PCYT1B: variants seen among roughly 807,000 people sequenced by gnomAD.
PCYT1B encodes the protein choline-phosphate cytidylyltransferase B.
Under a neutral mutation model 26.4 loss-of-function variants are expected in PCYT1B, and 10 were observed. That is an observed-to-expected ratio of 0.38 (90% confidence interval 0.23 to 0.64). The LOEUF (loss-of-function observed/expected upper bound fraction) is 0.64, where lower values mean the gene tolerates loss of function less well. Among genes scored for constraint, PCYT1B ranks in the 30% least tolerant of loss-of-function variants. The pLI, the probability that PCYT1B is intolerant of heterozygous loss-of-function variation, is 0.56. For missense variants in PCYT1B, 161 were observed against 292.7 expected (o/e 0.55, Z 3.28); for synonymous variants, 131 against 108.4 (o/e 1.21, Z -1.29).
At chrX:24,606,066 A>AG (rs1469184074) in intron 3 of PCYT1B, among the ~76,000 whole-genome samples, 1 of 108,928 alleles carries the variant, frequency 9.2e-6, no homozygotes, top group Admixed American at 9.9e-5. Flanking sequence ...AAAAAAAAAA[A>AG]AAAAAAAGAA....
rs752099580 is a variant in PCYT1B at position 24,575,187 on chromosome X, C to A, written c.840G>T (p.Glu280Asp). 4 of 1,207,089 alleles carry A rather than the reference C, an allele frequency of 3.3e-6. No individual in the cohort carries two copies. The highest frequency in any genetic ancestry group is 1.8e-5 in the South Asian group (1 of 56,216). ...KSHDLIQKWE[E>D]KSREFIGNFL... The stretch of plus-strand genomic sequence containing the variant: ...AGTTGCCAATGAATTCCCTTGACTT[C>A]TCTTCCCACTTTTGAATTAGATCAT... The change falls in exon 7 of 8, where the codon GAG becomes GAT. Residue 280 changes from glutamate (E) to aspartate (D), a missense_variant. This residue lies in a region of PCYT1B where 7 missense variants were observed against 40.9 expected (regional missense o/e 0.17). Coordinates refer to ENST00000379144, the MANE Select transcript of PCYT1B (RefSeq NM_004845.5).
Position 24,607,933 on chromosome X carries a change from A to C in PCYT1B, c.218-72T>G. 9.0e-6 allele frequency: 5 copies of C among 555,244 alleles called. No individual in the cohort carries two copies. In the Admixed American group the frequency reaches 1.7e-4, roughly 19 times the overall value. The allele number at this position is 555,244 out of a possible 1,213,427, so 45.8% of individuals were successfully genotyped here. On this transcript the variant is annotated intron_variant, in intron 2 of 7. Transcript: ENST00000379144. The stretch of plus-strand genomic sequence containing the variant: ...TCCCAGTTACCTTCTATCAGTCGTA[A>C]GAAACTTTCTGGATAAGACACAATC...
chrX:24,668,210 G>A (rs1927165764), intron 1 of PCYT1B, among the ~76,000 whole-genome samples: 1 of 111,971 alleles, frequency 8.9e-6, no homozygotes, highest in Non-Finnish European at 1.9e-5. Flanking sequence ...ACTGGTGTCT[G>A]GGAAGGCAGC....
intron 1 of PCYT1B, among the ~76,000 whole-genome samples, chrX:24,643,676 T>C (rs1450912201): frequency 8.9e-6 from 1 of 112,164 alleles, no homozygotes; most frequent in Non-Finnish European, 1.9e-5. Context: ...CAGAAGAACT[T>C]CCCCTTGAAA....
At position 24,626,538 on chromosome X, in the gene PCYT1B, A is replaced by T. The variant is rs369463058; in HGVS notation, c.118-7454T>A. ...ATGTTCATAATGCAAAAATAAATTT[A>T]AAGAAATATCTCCTCTCCTTTAAAT... On this transcript the variant is annotated intron_variant, in intron 1 of 7. Coordinates refer to ENST00000379144, the MANE Select transcript of PCYT1B (RefSeq NM_004845.5). Among the ~76,000 whole-genome samples, 5 of 112,738 alleles carry T rather than the reference A, an allele frequency of 4.4e-5. No individual in the cohort carries two copies. The East Asian group carries it at 8.2e-4, about 19-fold the overall frequency.
chrX:24,603,766 T>C (rs1925038478), intron 3 of PCYT1B, among the ~76,000 whole-genome samples: 1 of 111,227 alleles, frequency 9.0e-6, no homozygotes, highest in Non-Finnish European at 1.9e-5. Flanking sequence ...AAAATAAAAT[T>C]ATTTGAGTCT....
intron 7 of PCYT1B, among the ~76,000 whole-genome samples, chrX:24,566,948 GA>G (rs929453507): frequency 2.7e-5 from 3 of 110,965 alleles, no homozygotes; most frequent in African/African-American, 9.8e-5. Context: ...AAGTCAAACA[GA>G]AAAAAAAGGT....
intron 3 of PCYT1B, among the ~76,000 whole-genome samples, chrX:24,591,981 T>TA (rs1179569593): frequency 1.8e-5 from 2 of 111,098 alleles, no homozygotes; most frequent in Non-Finnish European, 3.8e-5. Flanking sequence ...TAATGTGCAA[T>TA]AGAACACCAG....
At chrX:24,621,474 T>A (rs758902649) in intron 1 of PCYT1B, among the ~76,000 whole-genome samples, 4 of 111,210 alleles carry the variant, frequency 3.6e-5, no homozygotes, top group Non-Finnish European at 7.5e-5. Context: ...TTTATTTATT[T>A]TTTATTTATT....
intron 1 of PCYT1B, chrX:24,672,459 G>A (rs1927274871): frequency 2.0e-6 from 1 of 504,812 alleles, no homozygotes; most frequent in African/African-American, 2.4e-5. Flanking sequence ...TTTTTAGTGT[G>A]ACTATTAATT....
At chrX:24,610,278 A>G (rs1356558777) in intron 2 of PCYT1B, among the ~76,000 whole-genome samples, 1 of 111,913 alleles carries the variant, frequency 8.9e-6, no homozygotes, top group Admixed American at 9.5e-5. Context: ...GATTCAGATG[A>G]TACAATGTTT....
chrX:24,618,448 G>A (rs992478329), intron 2 of PCYT1B, among the ~76,000 whole-genome samples: 3 of 111,352 alleles, frequency 2.7e-5, no homozygotes, highest in Non-Finnish European at 5.6e-5. Context: ...AAGTGACAAA[G>A]CTGGGGCTCA....
intron 7 of PCYT1B, among the ~76,000 whole-genome samples, chrX:24,565,391 G>A (rs768890739): frequency 9.0e-5 from 10 of 111,461 alleles, no homozygotes; most frequent in Middle Eastern, 4.6e-3. Flanking sequence ...AGGAGGAAGG[G>A]GGGGAAGAAG....
intron 1 of PCYT1B, among the ~76,000 whole-genome samples, chrX:24,669,748 A>G (rs919579603): frequency 9.1e-6 from 1 of 109,304 alleles, no homozygotes; most frequent in Non-Finnish European, 1.9e-5. Context: ...TCACTTGAAA[A>G]TGGGAATATA....
At chrX:24,626,750 T>G (rs775786461) in intron 1 of PCYT1B, among the ~76,000 whole-genome samples, 4 of 111,965 alleles carry the variant, frequency 3.6e-5, no homozygotes, top group African/African-American at 1.3e-4. Flanking sequence ...TTTAAAAAAT[T>G]TTTAAATTAC....
intron 2 of PCYT1B, among the ~76,000 whole-genome samples, chrX:24,618,686 C>T (rs61760948): frequency 0.018 from 1,920 of 108,286 alleles, 43 homozygotes; most frequent in African/African-American, 0.062. Context: ...GGCGCAATCT[C>T]GGCTCACTGC....
chrX:24,647,473 C>T (rs774789147), upstream of PCYT1B: 38 of 118,228 alleles, frequency 3.2e-4, no homozygotes, highest in Non-Finnish European at 5.8e-4. Context: ...ACCCACGGGC[C>T]CGAACTTGCT....
At chrX:24,640,627 C>G (rs1388002733) in intron 1 of PCYT1B, among the ~76,000 whole-genome samples, 1 of 111,389 alleles carries the variant, frequency 9.0e-6, no homozygotes, top group East Asian at 2.8e-4. Context: ...GTGGGATTAT[C>G]CTGAGGCACT....
chrX:24,565,071 T>C (rs1923578463), intron 7 of PCYT1B, among the ~76,000 whole-genome samples: 1 of 109,871 alleles, frequency 9.1e-6, no homozygotes, highest in Non-Finnish European at 1.9e-5. Flanking sequence ...GCTGGGTGCT[T>C]TCAGAATTGA....
Sources: allele counts gnomAD v4.1 joint callset (sites outside exome capture counted in the v4.1 genomes callset), GRCh38; gene constraint gnomAD v4.1.1; regional missense constraint gnomAD v4.1.1; transcripts MANE v1.5; gene names NCBI Gene and HGNC (gene_info 2026-07-23, HGNC 2026-07-21).